Variants in SLC39A11 observed in about 807,000 individuals in gnomAD.
SLC39A11 encodes the protein zinc transporter ZIP11.
In SLC39A11, 33 loss-of-function variants were observed where a neutral mutation model predicts 36.1. That is an observed-to-expected ratio of 0.91 (90% CI 0.69 to 1.22). The LOEUF is 1.22. Ranked by LOEUF, SLC39A11 falls within the 50% of genes most tolerant of loss-of-function variation. The pLI, the probability that SLC39A11 is intolerant of heterozygous loss-of-function variation, is 0.00. For missense variants in SLC39A11, 432 were observed against 430.3 expected (o/e 1.00, Z -0.03); for synonymous variants, 166 against 170.3 (o/e 0.97, Z 0.20).
intron 4 of SLC39A11, among the ~76,000 whole-genome samples, chr17:73,021,346 CT>C (rs773609870): frequency 0.02 from 2,917 of 148,508 alleles, 58 homozygotes; most frequent in Non-Finnish European, 0.028. Flanking sequence ...TTCTTTCTTT[CT>C]TTTTTTTTTT....
At chr17:73,053,965 C>G (rs1392154080) in intron 3 of SLC39A11, among the ~76,000 whole-genome samples, 1 of 152,178 alleles carries the variant, frequency 6.6e-6, no homozygotes, top group African/African-American at 2.4e-5. Context: ...GGATTTCTTG[C>G]TGCCTATTTT....
chr17:72,917,078 G>A (rs972508460), intron 5 of SLC39A11, among the ~76,000 whole-genome samples: 8 of 152,188 alleles, frequency 5.3e-5, no homozygotes, highest in African/African-American at 9.7e-5. Flanking sequence ...GTGGTCCACC[G>A]CTTGGTAAAA....
At chr17:72,914,475 G>T (rs1046392173) in intron 5 of SLC39A11, among the ~76,000 whole-genome samples, 1 of 152,170 alleles carries the variant, frequency 6.6e-6, no homozygotes, top group African/African-American at 2.4e-5. Context: ...GTGCATATAG[G>T]TTATATGTAA....
intron 6 of SLC39A11, among the ~76,000 whole-genome samples, chr17:72,746,579 A>T (rs2074946050): frequency 6.6e-6 from 1 of 152,094 alleles, no homozygotes; most frequent in Non-Finnish European, 1.5e-5. Flanking sequence ...TCTACTAAAA[A>T]TACAAAAAAT....
At chr17:72,874,507 G>A (rs1567864121) in intron 5 of SLC39A11, among the ~76,000 whole-genome samples, 1 of 152,178 alleles carries the variant, frequency 6.6e-6, no homozygotes, top group Non-Finnish European at 1.5e-5. Flanking sequence ...CACCAGGAGG[G>A]AGGGGAAAAC....
intron 5 of SLC39A11, among the ~76,000 whole-genome samples, chr17:72,930,998 T>TG (rs1247995308): frequency 2.6e-5 from 4 of 152,162 alleles, no homozygotes; most frequent in African/African-American, 9.7e-5. Flanking sequence ...AATGCTGCAC[T>TG]GGGGCTGCAC....
intron 3 of SLC39A11, among the ~76,000 whole-genome samples, chr17:73,083,750 C>T (rs1474351500): frequency 1.3e-5 from 2 of 152,032 alleles, no homozygotes; most frequent in African/African-American, 4.8e-5. Context: ...ATTAAAGAGA[C>T]TTAAAAGATA....
intron 6 of SLC39A11, among the ~76,000 whole-genome samples, chr17:72,790,127 G>T (rs954984748): frequency 6.6e-6 from 1 of 152,204 alleles, no homozygotes; most frequent in Non-Finnish European, 1.5e-5. Context: ...CGGGTGGGCA[G>T]ATTATCCATT....
intron 7 of SLC39A11, among the ~76,000 whole-genome samples, chr17:72,729,457 A>ATATATTTTTTT (rs1555650680): frequency 1.4e-4 from 1 of 7,242 alleles, no homozygotes; most frequent in Non-Finnish European, 3.2e-4. Flanking sequence ...ATATATATAT[A>ATATATTTTTTT]TTTTTTTTTT....
intron 7 of SLC39A11, among the ~76,000 whole-genome samples, chr17:72,696,019 C>T (rs2072278882): frequency 6.6e-6 from 1 of 152,202 alleles, no homozygotes; most frequent in Non-Finnish European, 1.5e-5. Flanking sequence ...CAGGGGCAGG[C>T]ACCACCACAC....
intron 6 of SLC39A11, among the ~76,000 whole-genome samples, chr17:72,830,617 C>A (rs558843813): frequency 1.3e-5 from 2 of 152,248 alleles, no homozygotes; most frequent in East Asian, 3.9e-4. Context: ...CAACAGGGCA[C>A]ACTTTGGAAC....
chr17:72,724,456 G>A (rs1161906521), intron 7 of SLC39A11, among the ~76,000 whole-genome samples: 1 of 152,124 alleles, frequency 6.6e-6, no homozygotes, highest in African/African-American at 2.4e-5. Flanking sequence ...CGGTGGGGGG[G>A]AGTGAGCTTC....
intron 4 of SLC39A11, among the ~76,000 whole-genome samples, chr17:72,960,452 T>C (rs185674061): frequency 1.3e-5 from 2 of 152,200 alleles, no homozygotes; most frequent in East Asian, 3.9e-4. Context: ...CTTGTAGTCA[T>C]ACCAGCTGGA....
chr17:72,785,675 T>C (rs931080354), intron 6 of SLC39A11, among the ~76,000 whole-genome samples: 1 of 152,146 alleles, frequency 6.6e-6, no homozygotes, highest in Admixed American at 6.5e-5. Context: ...TGGCTTCAAA[T>C]GGCCACCACC....
At chr17:72,954,374 G>A (rs930488757) in intron 4 of SLC39A11, among the ~76,000 whole-genome samples, 1 of 152,218 alleles carries the variant, frequency 6.6e-6, no homozygotes, top group African/African-American at 2.4e-5. Context: ...GGGACTAATT[G>A]GTGCCCCCTG....
At chr17:73,047,063 T>C (rs62073124) in intron 3 of SLC39A11, among the ~76,000 whole-genome samples, 17,317 of 150,944 alleles carry the variant, frequency 0.11, 1,170 homozygotes, top group Non-Finnish European at 0.16. Flanking sequence ...CTCGCTCTGT[T>C]GCCCAGGCTG....
intron 6 of SLC39A11, among the ~76,000 whole-genome samples, chr17:72,801,735 G>A (rs1168079595): frequency 6.6e-6 from 1 of 151,960 alleles, no homozygotes; most frequent in Non-Finnish European, 1.5e-5. Flanking sequence ...GAGTAACAAG[G>A]GATCTTTTAG....
intron 5 of SLC39A11, among the ~76,000 whole-genome samples, chr17:72,876,185 C>T (rs969767443): frequency 6.6e-6 from 1 of 152,142 alleles, no homozygotes; most frequent in African/African-American, 2.4e-5. Flanking sequence ...CATGCTCTGC[C>T]ATGCCCAAAA....
At chr17:73,086,404 T>A (rs947866246) in intron 2 of SLC39A11, among the ~76,000 whole-genome samples, 1 of 152,130 alleles carries the variant, frequency 6.6e-6, no homozygotes, top group African/African-American at 2.4e-5. Flanking sequence ...GTACATACAA[T>A]GGAATAGTCT....
Sources: gnomAD v4.1 joint callset for allele counts (sites outside exome capture counted in the v4.1 genomes callset) on GRCh38, gnomAD v4.1.1 for gene constraint, MANE v1.5 for transcripts, NCBI Gene and HGNC (gene_info 2026-07-23, HGNC 2026-07-21) for gene names.